The following TEX11 variants were observed in gnomAD, a reference collection of about 807,000 sequenced individuals.
TEX11 encodes testis expressed 11, also known as testis-expressed protein 11.
In TEX11, 7 loss-of-function variants were observed where a neutral mutation model predicts 84.4. The ratio of observed to expected loss-of-function variants is 0.08; its 90% CI spans 0.05 to 0.16. The LOEUF is 0.16. Among genes scored for constraint, TEX11 ranks in the 10% least tolerant of loss-of-function variants. TEX11 has a pLI of 1.00. For missense variants in TEX11, 551 were observed against 660.5 expected (o/e 0.83, Z 1.82); for synonymous variants, 264 against 222.8 (o/e 1.18, Z -1.64).
chrX:70,817,230 TACAC>T (rs201239481), intron 8 of TEX11, among the ~76,000 whole-genome samples: 1 of 85,531 alleles, frequency 1.2e-5, no homozygotes, highest in African/African-American at 4.3e-5. Context: ...CACATACACA[TACAC>T]ACACACACAC....
chrX:70,591,684 A>G, intron 25 of TEX11, 67 bp downstream of exon 25: 1 of 887,018 alleles, frequency 1.1e-6, no homozygotes, highest in Non-Finnish European at 1.6e-6. Context: ...CTGGTGACAA[A>G]AGACTTGTTT....
intron 18 of TEX11, 33 bp downstream of exon 18, chrX:70,629,578 T>TA (rs1393712891): frequency 3.3e-6 from 4 of 1,195,434 alleles, no homozygotes; most frequent in Non-Finnish European, 4.5e-6. Flanking sequence ...GGAAAAGGGA[T>TA]AAAAATCTAG....
chrX:70,572,559 T>C (rs1369347213), intron 25 of TEX11, among the ~76,000 whole-genome samples: 2 of 110,756 alleles, frequency 1.8e-5, no homozygotes, highest in East Asian at 5.7e-4. Context: ...CACGTATGTT[T>C]ATTGCGGCAC....
At chrX:70,808,750 T>A (rs965512136) in intron 8 of TEX11, among the ~76,000 whole-genome samples, 3 of 110,276 alleles carry the variant, frequency 2.7e-5, no homozygotes, top group African/African-American at 9.9e-5. Context: ...GAAAATAAAA[T>A]TGCAACACAT....
intron 3 of TEX11, among the ~76,000 whole-genome samples, chrX:70,879,653 T>C (rs1452269824): frequency 1.8e-5 from 2 of 111,387 alleles, no homozygotes; most frequent in Non-Finnish European, 3.8e-5. Context: ...GGACCTTATA[T>C]ATGTTATTTT....
intron 16 of TEX11, among the ~76,000 whole-genome samples, chrX:70,654,793 G>A (rs761195317): frequency 1.9e-4 from 20 of 104,952 alleles, no homozygotes; most frequent in Non-Finnish European, 3.5e-4. Context: ...TACCAATATT[G>A]TATTAAATGT....
intron 28 of TEX11, among the ~76,000 whole-genome samples, chrX:70,533,469 A>G: frequency 8.9e-6 from 1 of 112,060 alleles, no homozygotes; most frequent in East Asian, 2.8e-4. Context: ...AGTAGAGAAT[A>G]TTGGAAATGT....
chrX:70,567,028 T>A (rs774432254), intron 25 of TEX11, among the ~76,000 whole-genome samples: 11 of 111,762 alleles, frequency 9.8e-5, no homozygotes, highest in African/African-American at 3.2e-4. Context: ...TGAATCCATC[T>A]GGTCCTGGGC....
At chrX:70,678,535 TA>T (rs2090095400) in intron 15 of TEX11, among the ~76,000 whole-genome samples, 1 of 110,830 alleles carries the variant, frequency 9.0e-6, no homozygotes, top group South Asian at 3.9e-4. Context: ...GCCCTCATGT[TA>T]AAAAAATTAC....
chrX:70,596,499 C>T (rs1463076647), intron 24 of TEX11, among the ~76,000 whole-genome samples: 1 of 110,640 alleles, frequency 9.0e-6, no homozygotes, highest in Non-Finnish European at 1.9e-5. Context: ...GGGAAATTCA[C>T]AAATATGTGA....
At chrX:70,680,129 T>G (rs2090132755) in intron 14 of TEX11, among the ~76,000 whole-genome samples, 1 of 53,980 alleles carries the variant, frequency 1.9e-5, no homozygotes, top group South Asian at 1.2e-3. Flanking sequence ...GGCGGTTTTG[T>G]GGAATAGAAA....
chrX:70,687,329 AAGATATCCTC>A (rs2099996887), intron 13 of TEX11, among the ~76,000 whole-genome samples: 3 of 112,101 alleles, frequency 2.7e-5, no homozygotes, highest in African/African-American at 6.5e-5. Context: ...AAAACTTAAC[AAGATATCCTC>A]AATATTCTTA....
intron 17 of TEX11, among the ~76,000 whole-genome samples, chrX:70,641,301 T>A (rs2051304453): frequency 9.0e-6 from 1 of 111,046 alleles, no homozygotes; most frequent in African/African-American, 3.3e-5. Flanking sequence ...AGACTTAGAT[T>A]CCCACACATT....
intron 28 of TEX11, among the ~76,000 whole-genome samples, chrX:70,542,540 C>T (rs1271103871): frequency 9.0e-6 from 1 of 111,614 alleles, no homozygotes; most frequent in East Asian, 2.8e-4. Context: ...CTTAAAATTC[C>T]CTCATTGATA....
chrX:70,665,648 G>C (rs1031623111), intron 16 of TEX11, among the ~76,000 whole-genome samples: 7 of 111,928 alleles, frequency 6.3e-5, no homozygotes, highest in Admixed American at 9.5e-5. Context: ...CTCAAAAAGA[G>C]GTTGCCAAGT....
chrX:70,853,096 T>C lies in TEX11; in HGVS notation c.463A>G (p.Thr155Ala). The C allele has an allele frequency of 5.8e-6, 7 of 1,209,268 alleles. No homozygotes were observed. Among genetic ancestry groups the C allele is most frequent in the Non-Finnish European group, 6.7e-6 (6 of 894,014 alleles). The change falls in exon 7 of 30, where the codon ACC (threonine) becomes GCC (alanine). Residue 155 changes from threonine (T) to alanine (A), a missense_variant. Coordinates refer to ENST00000374333, the MANE Select transcript of TEX11 (RefSeq NM_031276.3). Reference protein sequence around the residue: ...IQRSSPEADLTMEKITVESDH... With the variant: ...IQRSSPEADLAMEKITVESDH... ...CTCTCAACAGTAATCTTCTCCATGG[T>C]CAAGTCAGCCTCAGGGGAGCTCCTT...
At chrX:70,547,537 T>G (rs947756342) in intron 28 of TEX11, among the ~76,000 whole-genome samples, 1 of 110,796 alleles carries the variant, frequency 9.0e-6, no homozygotes, top group South Asian at 3.8e-4. Context: ...AGGGCTAATA[T>G]CCAGAATCTA....
intron 16 of TEX11, among the ~76,000 whole-genome samples, chrX:70,663,515 T>G (rs776342466): frequency 9.0e-6 from 1 of 111,464 alleles, no homozygotes; most frequent in Admixed American, 9.5e-5. Context: ...TTCTTCAAAT[T>G]AGATGATTTT....
At chrX:70,624,946 C>T (rs762495627) in intron 18 of TEX11, 22 bp from the exon 19 acceptor site, 13 of 1,071,442 alleles carry the variant, frequency 1.2e-5, no homozygotes, top group African/African-American at 1.8e-5. Context: ...AAATATAATA[C>T]GTTAAATTAC....
Sources: allele counts gnomAD v4.1 joint callset (sites outside exome capture counted in the v4.1 genomes callset), GRCh38; gene constraint gnomAD v4.1.1; transcripts MANE v1.5; gene names NCBI Gene and HGNC (gene_info 2026-07-23, HGNC 2026-07-21).